Variants in PBX3 observed in about 807,000 individuals in gnomAD.
PBX3 encodes PBX homeobox 3.
In PBX3, 14 loss-of-function variants were observed where a neutral mutation model predicts 48.5. The observed-to-expected ratio is 0.29, with a 90% CI of 0.19 to 0.45. PBX3 has a LOEUF of 0.45. Among genes scored for constraint, PBX3 ranks in the 20% least tolerant of loss-of-function variants. PBX3 has a pLI of 1.00. For synonymous variants in PBX3, 210 were observed against 200.3 expected (o/e 1.05, Z -0.41); for missense variants, 386 against 546.7 (o/e 0.71, Z 2.93).
chr9:125,878,902 A>T lies in PBX3; in HGVS notation c.275-36784A>T, dbSNP rs564338225. Among the ~76,000 whole-genome samples, 5 of 152,202 alleles carry T rather than the reference A, an allele frequency of 3.3e-5. No individual in the cohort carries two copies. The South Asian group carries it at 1.0e-3, about 32-fold the overall frequency. ...TTTCACCTTCTTATGTAGGAACTTG[A>T]AGTATTTTTTTGTGTATATCTTTTA... On this transcript the variant is annotated intron_variant, in intron 2 of 8. Transcript: ENST00000373489.
At chr9:125,818,594 C>G (rs1439509868) in intron 2 of PBX3, among the ~76,000 whole-genome samples, 1 of 152,170 alleles carries the variant, frequency 6.6e-6, no homozygotes, top group Non-Finnish European at 1.5e-5. Flanking sequence ...AGTGATCTGC[C>G]TGCCTTGGCC....
chr9:125,923,156 C>CT (rs1403311078), intron 3 of PBX3, among the ~76,000 whole-genome samples: 1 of 152,182 alleles, frequency 6.6e-6, no homozygotes, highest in Non-Finnish European at 1.5e-5. Flanking sequence ...GATGCAGACA[C>CT]TTTTTTGCTT....
At chr9:125,849,623 A>G (rs1210122982) in intron 2 of PBX3, among the ~76,000 whole-genome samples, 1 of 152,010 alleles carries the variant, frequency 6.6e-6, no homozygotes, top group Non-Finnish European at 1.5e-5. Context: ...ATATCATGTC[A>G]TAGTTTAATT....
At chr9:125,833,535 T>G (rs1006867739) in intron 2 of PBX3, among the ~76,000 whole-genome samples, 8 of 152,176 alleles carry the variant, frequency 5.3e-5, no homozygotes, top group Non-Finnish European at 1.2e-4. Flanking sequence ...AATACCACCG[T>G]AAATTTTATA....
chr9:125,939,104 A>G (rs921774738), intron 5 of PBX3, among the ~76,000 whole-genome samples: 1 of 152,140 alleles, frequency 6.6e-6, no homozygotes, highest in African/African-American at 2.4e-5. Flanking sequence ...TCTTTATGCT[A>G]TTTTTATTGT....
At chr9:125,867,811 T>TATATATACACATAC (rs1840025389) in intron 2 of PBX3, among the ~76,000 whole-genome samples, 1 of 151,824 alleles carries the variant, frequency 6.6e-6, no homozygotes, top group Non-Finnish European at 1.5e-5. Flanking sequence ...TATACACATA[T>TATATATACACATAC]ATATATACAC....
At chr9:125,920,096 C>T (rs530795126) in intron 3 of PBX3, among the ~76,000 whole-genome samples, 1 of 152,250 alleles carries the variant, frequency 6.6e-6, no homozygotes, top group African/African-American at 2.4e-5. Context: ...ATTACTGCCA[C>T]CCAAAAGGAA....
chr9:125,959,931 T>C (rs565251352), intron 5 of PBX3, among the ~76,000 whole-genome samples: 15 of 152,218 alleles, frequency 9.9e-5, no homozygotes, highest in Non-Finnish European at 2.1e-4. Context: ...TGAGCTCTGC[T>C]CTCCTTGACG....
intron 2 of PBX3, among the ~76,000 whole-genome samples, chr9:125,842,207 C>T (rs980257014): frequency 1.3e-5 from 2 of 152,104 alleles, no homozygotes; most frequent in Non-Finnish European, 2.9e-5. Context: ...TTTCCTTGTG[C>T]TAGCTCTTCT....
At chr9:125,919,633 A>T (rs951443600) in intron 3 of PBX3, among the ~76,000 whole-genome samples, 2 of 152,220 alleles carry the variant, frequency 1.3e-5, no homozygotes, top group Admixed American at 1.3e-4. Flanking sequence ...CAAAGGCTTC[A>T]ACAGAAAATT....
At chr9:125,749,165 G>C (rs1343495105) in intron 2 of PBX3, 1 of 153,438 alleles carries the variant, frequency 6.5e-6, no homozygotes, top group Non-Finnish European at 1.5e-5. Context: ...CACATACGAT[G>C]TATTACATCT....
intron 5 of PBX3, among the ~76,000 whole-genome samples, chr9:125,939,183 C>T (rs1302992741): frequency 6.6e-6 from 1 of 152,028 alleles, no homozygotes; most frequent in Non-Finnish European, 1.5e-5. Context: ...ACAGTCCACG[C>T]ACTGCAAGAA....
intron 2 of PBX3, among the ~76,000 whole-genome samples, chr9:125,908,698 A>G (rs1193868354): frequency 6.6e-6 from 1 of 152,076 alleles, no homozygotes. Flanking sequence ...CAGGGTTTTA[A>G]TTCTTTCCCC....
At chr9:125,909,489 T>G (rs529940883) in intron 2 of PBX3, among the ~76,000 whole-genome samples, 1 of 152,294 alleles carries the variant, frequency 6.6e-6, no homozygotes, top group South Asian at 2.1e-4. Flanking sequence ...AGCAAATGTT[T>G]AGCTTGAATC....
At chr9:125,774,830 G>C (rs1193986246) in intron 2 of PBX3, among the ~76,000 whole-genome samples, 3 of 150,912 alleles carry the variant, frequency 2.0e-5, no homozygotes, top group Non-Finnish European at 4.4e-5. Context: ...TCCATAGTAG[G>C]TCTATCATTT....
chr9:125,937,264 G>A (rs1354192073), intron 5 of PBX3, among the ~76,000 whole-genome samples: 1 of 152,044 alleles, frequency 6.6e-6, no homozygotes, highest in Non-Finnish European at 1.5e-5. Context: ...CACACTTGTG[G>A]AATAAGTGAT....
intron 2 of PBX3, among the ~76,000 whole-genome samples, chr9:125,833,550 A>G (rs1019898091): frequency 2.0e-5 from 3 of 152,124 alleles, no homozygotes; most frequent in Non-Finnish European, 2.9e-5. Context: ...TTTATATCCT[A>G]ATTTTATAGA....
At chr9:125,882,881 A>G (rs1840413288) in intron 2 of PBX3, among the ~76,000 whole-genome samples, 1 of 152,232 alleles carries the variant, frequency 6.6e-6, no homozygotes, top group East Asian at 1.9e-4. Context: ...AATGGGGAAA[A>G]GAACTCTGAA....
intron 2 of PBX3, among the ~76,000 whole-genome samples, chr9:125,855,892 A>G (rs1839707552): frequency 1.3e-5 from 2 of 152,176 alleles, no homozygotes; most frequent in African/African-American, 4.8e-5. Flanking sequence ...AATTTACAAC[A>G]TTGTCTGCTG....
Sources: allele counts gnomAD v4.1 joint callset (sites outside exome capture counted in the v4.1 genomes callset), GRCh38; gene constraint gnomAD v4.1.1; transcripts MANE v1.5; gene names NCBI Gene and HGNC (gene_info 2026-07-23, HGNC 2026-07-21).